The following INTS1 variants were observed in gnomAD, a reference collection of about 807,000 sequenced individuals.
INTS1 encodes integrator complex subunit 1.
A neutral mutation model predicts 241.6 loss-of-function variants in INTS1; 137 were observed. The observed-to-expected ratio is 0.57, with a 90% confidence interval of 0.49 to 0.65. The LOEUF is 0.65. Ranked by LOEUF, INTS1 falls within the 30% of genes least tolerant of loss-of-function variation. The pLI is 0.00. For synonymous variants in INTS1, 1,692 were observed against 1,337.8 expected (o/e 1.26, Z -5.78); for missense variants, 3,073 against 3,032.2 (o/e 1.01, Z -0.32).
intron 24 of INTS1, among the ~76,000 whole-genome samples, chr7:1,484,459 C>G (rs1349734678): frequency 6.6e-6 from 1 of 152,216 alleles, no homozygotes; most frequent in African/African-American, 2.4e-5. Context: ...ATCGCTCATT[C>G]CCTGAGGACT....
rs1562481197 is a variant in INTS1, at chr7:1,470,828, C to CG, written c.6457+17dup. Reference sequence around the variant, plus strand: ...CCCCGAGGGCTGCCAGGGCCCTGGGCGGGGGGCCAGTCCTCACCTTGGCAC... The same window carrying CG: ...CCCCGAGGGCTGCCAGGGCCCTGGGCGGGGGGGCCAGTCCTCACCTTGGCAC... On this transcript the variant is annotated intron_variant, in intron 47 of 47. Coordinates refer to ENST00000404767, the MANE Select transcript of INTS1 (RefSeq NM_001080453.3). The CG allele has an allele frequency of 7.1e-6, 11 of 1,557,882 alleles. No individual in the cohort carries two copies. Among genetic ancestry groups the CG allele is most frequent in the Admixed American group, 1.9e-5 (1 of 52,514 alleles).
chr7:1,477,755 G>C lies in INTS1; in HGVS notation c.4812C>G (p.Gly1604=). Residue 1604 remains glycine (G), a splice_region_variant and synonymous_variant, in exon 34 of 48, where the codon GGC becomes GGG. Coordinates refer to ENST00000404767, the MANE Select transcript of INTS1 (RefSeq NM_001080453.3). ...CCGTGTGCAGCACCCCAGCTCACCT[G>C]CCACCGTCCGCACCCGGCTTCCCCC... ...LAGGKPGADG[G]SLEAVRLGPS... 6.2e-7 allele frequency: 1 copy of C among 1,612,004 alleles called. No individual in the cohort carries two copies. Among genetic ancestry groups the C allele is most frequent in the Non-Finnish European group, 8.5e-7 (1 of 1,179,648 alleles).
intron 45 of INTS1, 89 bp from the exon 46 acceptor site, chr7:1,471,313 G>GC: frequency 7.5e-7 from 1 of 1,334,834 alleles, no homozygotes; most frequent in Non-Finnish European, 1.0e-6. Flanking sequence ...ATGGTTGGCG[G>GC]CAACGGCAGG....
chr7:1,473,605 G>A lies in INTS1; in HGVS notation c.5918C>T (p.Ala1973Val). The A allele has an allele frequency of 1.2e-6, 2 of 1,610,568 alleles. No individual in the cohort carries two copies. Among genetic ancestry groups the A allele is most frequent in the Non-Finnish European group, 1.7e-6 (2 of 1,178,580 alleles). Residue 1973 changes from alanine (A) to valine (V), a missense_variant, in exon 42 of 48, where the codon GCA becomes GTA. Coordinates refer to ENST00000404767, the MANE Select transcript of INTS1 (RefSeq NM_001080453.3). ...IHKYITYNAP[A>V]AISFLQKHAD... ...GTGCTTCTGCAGGAAGGAGATGGCT[G>A]CTGGGGCATTGTAGGTAATGTACTT...
chr7:1,498,379 C>G, intron 10 of INTS1, 33 bp downstream of exon 10: 2 of 1,611,330 alleles, frequency 1.2e-6, no homozygotes, highest in Non-Finnish European at 1.7e-6. Context: ...CATATTCCGG[C>G]GTGGAGGGCA....
In INTS1 at chr7:1,478,831, G is replaced by T; in HGVS notation, c.4384C>A (p.Gln1462Lys). 6.2e-7 allele frequency: 1 copy of T among 1,610,552 alleles called. No individual in the cohort carries two copies. Among genetic ancestry groups the T allele is most frequent in the Non-Finnish European group, 8.5e-7 (1 of 1,178,850 alleles). Residue 1462 changes from glutamine (Q) to lysine (K), a missense_variant, in exon 32 of 48, where the codon CAG becomes AAG. Coordinates refer to ENST00000404767, the MANE Select transcript of INTS1 (RefSeq NM_001080453.3). ...GGGCTGTCCAGCCACTGCAGCATCT[G>T]CAGGAGCACCTTCAGGAAGAGCGAG... ...FSSLFLKVLL[Q>K]MLQWLDSPGV...
intron 16 of INTS1, among the ~76,000 whole-genome samples, chr7:1,490,799 G>A (rs988642677): frequency 2.6e-5 from 4 of 152,208 alleles, no homozygotes; most frequent in East Asian, 1.9e-4. Context: ...GTTGGAAAAC[G>A]TACTTCCCAA....
In INTS1 at chr7:1,497,256, G is replaced by C; in HGVS notation, c.1484C>G (p.Ser495Trp). ...GATGATCTCCCGCAGCAGGGCCCGC[G>C]AGGCCCGCAGGTAGTCGTCCTTGTT... The part of the protein sequence containing the change: ...LTNKDDYLRA[S>W]RALLREIIKQ... Residue 495 changes from serine (S) to tryptophan (W), a missense_variant, in exon 11 of 48, where the codon TCG (serine) becomes TGG (tryptophan). Physicochemically the swap from Ser to Trp is radical, Grantham distance 177 (BLOSUM62 -3). Coordinates refer to ENST00000404767, the MANE Select transcript of INTS1 (RefSeq NM_001080453.3). This position sits in a 1 kb window ranked among gnomAD's most constrained non-coding sequence, Gnocchi z 5.3. The C allele has an allele frequency of 6.2e-7, 1 of 1,613,480 alleles. No homozygotes were observed. The highest frequency in any genetic ancestry group is 8.5e-7 in the Non-Finnish European group (1 of 1,179,794).
In INTS1 at chr7:1,484,089, C is replaced by T. The variant is rs779723064; in HGVS notation, c.3343G>A (p.Ala1115Thr). The T allele has an allele frequency of 1.2e-5, 19 of 1,612,348 alleles. No individual in the cohort carries two copies. In the South Asian group the frequency reaches 1.8e-4, roughly 15 times the overall value. Residue 1115 changes from alanine (A) to threonine (T), a missense_variant, in exon 25 of 48, where the codon GCC (alanine) becomes ACC (threonine). Physicochemically the swap from Ala to Thr is moderately conservative, Grantham distance 58. Transcript: ENST00000404767. ...SKLSPSAASD[A>T]VLSALLSIFS... ...ATGGACAACAGAGCGCTCAGCACGG[C>T]GTCCGACGCGGCACTCGGGGAGAGC...
chr7:1,486,872 CA>C, intron 21 of INTS1, 49 bp downstream of exon 21: 1 of 1,567,882 alleles, frequency 6.4e-7, no homozygotes, highest in South Asian at 1.1e-5. Context: ...GTTGCCCTGA[CA>C]GGGGTGCGGG....
chr7:1,474,327 G>A lies in INTS1; in HGVS notation c.5670C>T (p.Gly1890=). Residue 1890 remains glycine (G), a synonymous_variant, in exon 41 of 48, where the codon GGC becomes GGT. Coordinates refer to ENST00000404767, the MANE Select transcript of INTS1 (RefSeq NM_001080453.3). ...ACTCCTGGAAGTTGAGGTGGGTGCG[G>A]CCGTGCAGGAGCGCCGCGATCATGG... The part of the protein sequence containing the change: ...HLPMIAALLH[G]RTHLNFQEFR... 3 of 1,606,060 alleles carry A rather than the reference G, an allele frequency of 1.9e-6. No homozygotes were observed. The highest frequency in any genetic ancestry group is 2.2e-5 in the East Asian group (1 of 44,614).
chr7:1,486,664 G>C lies in INTS1; in HGVS notation c.2937C>G (p.Leu979=). 1 of 1,612,004 alleles carries C rather than the reference G, an allele frequency of 6.2e-7. No individual in the cohort carries two copies. The highest frequency in any genetic ancestry group is 8.5e-7 in the Non-Finnish European group (1 of 1,179,536). Reference sequence around the variant, plus strand: ...CGCGGGAGGCCACCTGGGAGGAGCCGAGGCGCCGCAAGAAGTAGTCCAGCA... The same window carrying C: ...CGCGGGAGGCCACCTGGGAGGAGCCCAGGCGCCGCAAGAAGTAGTCCAGCA... The part of the protein sequence containing the change: ...CEVLDYFLRR[L]GSSQVASRVL... Residue 979 remains leucine, a synonymous_variant, in exon 22 of 48, where the codon CTC becomes CTG. Coordinates refer to ENST00000404767, the MANE Select transcript of INTS1 (RefSeq NM_001080453.3).
rs1446262693 is a variant in INTS1, at chr7:1,485,371, G to C, written c.3075C>G (p.Gly1025=). ...GCAGGTCCCGCAGCAGCCACTGATAGCCCTGCAGCACATCTGTGTCCCCCA... is the reference window on the plus strand; with the variant it reads ...GCAGGTCCCGCAGCAGCCACTGATACCCCTGCAGCACATCTGTGTCCCCCA... ...EDVGDTDVLQ[G]YQWLLRDLPR... Residue 1025 remains glycine, a synonymous_variant, in exon 23 of 48, where the codon GGC becomes GGG. Transcript: ENST00000404767. The C allele has an allele frequency of 6.2e-7, 1 of 1,612,558 alleles. No homozygotes were observed. The highest frequency in any genetic ancestry group is 8.5e-7 in the Non-Finnish European group (1 of 1,179,802).
chr7:1,482,822 G>C, intron 26 of INTS1, 115 bp from the exon 27 acceptor site: 1 of 1,277,322 alleles, frequency 7.8e-7, no homozygotes, highest in Non-Finnish European at 1.1e-6. Context: ...TGAGACTTGG[G>C]AGGAGCACGG....
In INTS1 at chr7:1,499,062, G is replaced by C; in HGVS notation, c.1050C>G (p.Leu350=). Residue 350 remains leucine, a synonymous_variant, in exon 8 of 48, where the codon CTC becomes CTG. Transcript: ENST00000404767. ...CGCAGGTGGAGGTGAGGAGCCGCAG[G>C]AGGTTCCTGGAGACGTTGTCGATGG... ...RQPIDNVSRN[L]LRLLTSTCGY... 2 of 1,603,974 alleles carry C rather than the reference G, an allele frequency of 1.2e-6. No individual in the cohort carries two copies. Among genetic ancestry groups the C allele is most frequent in the Non-Finnish European group, 1.7e-6 (2 of 1,176,500 alleles).
chr7:1,482,570 C>G lies in INTS1; in HGVS notation c.3679G>C (p.Glu1227Gln), dbSNP rs758158889. The G allele has an allele frequency of 6.1e-5, 98 of 1,612,590 alleles. 1 individual carries two copies. The Admixed American group carries it at 1.6e-3, about 26-fold the overall frequency. Reference sequence around the variant, plus strand: ...CCGGCGTCCACCAGGCGGAGCACCTCAGAACGGATCATGCGCAGCTTCAGC... The same window carrying G: ...CCGGCGTCCACCAGGCGGAGCACCTGAGAACGGATCATGCGCAGCTTCAGC... ...DWLKLRMIRSEVLRLVDAALQ... is the reference protein window; with the variant it reads ...DWLKLRMIRSQVLRLVDAALQ... Residue 1227 changes from glutamate (E) to glutamine (Q), a missense_variant, in exon 27 of 48, where the codon GAG (glutamate) becomes CAG (glutamine). By Grantham distance (29) the Glu-to-Gln change is conservative. Coordinates refer to ENST00000404767, the MANE Select transcript of INTS1 (RefSeq NM_001080453.3).
rs1240242564 is a variant in INTS1, at chr7:1,472,311, G to A, written c.6146C>T (p.Pro2049Leu). 2.6e-6 allele frequency: 4 copies of A among 1,567,886 alleles called. No individual in the cohort carries two copies. Among genetic ancestry groups the A allele is most frequent in the Non-Finnish European group, 3.5e-6 (4 of 1,157,102 alleles). The change falls in exon 44 of 48, where the codon CCC becomes CTC. Residue 2049 changes from proline to leucine, a missense_variant. Coordinates refer to ENST00000404767, the MANE Select transcript of INTS1 (RefSeq NM_001080453.3). The stretch of plus-strand genomic sequence containing the variant: ...GCCCCGGGAAAGCCGTTTCATGTAG[G>A]GGGCCATCTCGGCCGCGGTCAGAGG... ...FTPLTAAEMAPYMKRLSRGQT... is the reference protein window; with the variant it reads ...FTPLTAAEMALYMKRLSRGQT...
intron 2 of INTS1, among the ~76,000 whole-genome samples, chr7:1,503,500 G>A (rs983275758): frequency 1.2e-4 from 19 of 152,192 alleles, no homozygotes; most frequent in African/African-American, 4.1e-4. Context: ...AAGAGAGAAA[G>A]GGACACAGAG....
rs7785723 is a variant in INTS1 at position 1,487,486 on chromosome 7, C to A, written c.2517-37G>T. The stretch of plus-strand genomic sequence containing the variant: ...AGGGGACACGGTGCGTCAGCACGCC[C>A]TGAGCGGATCACCCCCAGAACCCCT... On this transcript the variant is annotated intron_variant, in intron 19 of 47. Coordinates refer to ENST00000404767, the MANE Select transcript of INTS1 (RefSeq NM_001080453.3). 6,427 of 1,596,614 alleles carry A rather than the reference C, an allele frequency of 4.0e-3. 146 individuals are homozygous for A. The African/African-American group carries it at 0.052, about 13-fold the overall frequency.
Sources: allele counts gnomAD v4.1 joint callset (sites outside exome capture counted in the v4.1 genomes callset), GRCh38; gene constraint gnomAD v4.1.1; non-coding constraint Gnocchi (gnomAD v3.1); transcripts MANE v1.5; gene names NCBI Gene and HGNC (gene_info 2026-07-23, HGNC 2026-07-21).